Variants in NFXL1 observed in about 807,000 individuals in gnomAD.
NFXL1 encodes the protein NF-X1-type zinc finger protein NFXL1.
Under a neutral mutation model 123.3 loss-of-function variants are expected in NFXL1, and 66 were observed. That is an observed-to-expected ratio of 0.54 (90% CI 0.44 to 0.66). NFXL1 has a LOEUF of 0.66. NFXL1 is among the 30% of genes least tolerant of loss of function. The probability of loss-of-function intolerance (pLI) is 0.00; values close to 1 mark genes in which losing one functional copy is unlikely to be tolerated. For missense variants in NFXL1, 944 were observed against 1,125.6 expected (o/e 0.84, Z 2.31); for synonymous variants, 346 against 360.8 (o/e 0.96, Z 0.46).
intron 5 of NFXL1, among the ~76,000 whole-genome samples, chr4:47,902,089 G>A (rs946328075): frequency 6.6e-6 from 1 of 152,000 alleles, no homozygotes; most frequent in Non-Finnish European, 1.5e-5. Flanking sequence ...GGCTGAGACG[G>A]GAGAATCGCT....
chr4:47,892,192 C>T (rs1736813895), intron 11 of NFXL1, among the ~76,000 whole-genome samples: 1 of 152,178 alleles, frequency 6.6e-6, no homozygotes, highest in Non-Finnish European at 1.5e-5. Context: ...TGAGGCAGCA[C>T]AGATGGCAGT....
At chr4:47,866,006 C>A (rs987411087) in intron 18 of NFXL1, among the ~76,000 whole-genome samples, 3 of 151,694 alleles carry the variant, frequency 2.0e-5, no homozygotes, top group Admixed American at 6.6e-5. Flanking sequence ...CAGAGAGACA[C>A]CTTGTCTCAA....
chr4:47,897,945 T>C (rs910029657), intron 9 of NFXL1, 22 bp downstream of exon 9: 4 of 1,414,948 alleles, frequency 2.8e-6, no homozygotes, highest in African/African-American at 1.4e-5. Flanking sequence ...CCTATATAAA[T>C]ATAAAAAAAA....
chr4:47,859,949 A>AAAG (rs1359389199), intron 19 of NFXL1, among the ~76,000 whole-genome samples: 1 of 151,944 alleles, frequency 6.6e-6, no homozygotes, highest in Non-Finnish European at 1.5e-5. Context: ...CGTAGAAGTG[A>AAAG]AAGAGCAGAA....
At chr4:47,858,074 C>CTGGT (rs1309443679) in intron 19 of NFXL1, among the ~76,000 whole-genome samples, 2 of 152,130 alleles carry the variant, frequency 1.3e-5, no homozygotes, top group East Asian at 3.8e-4. Context: ...GTACACTGTG[C>CTGGT]TGGTATCCAA....
At chr4:47,905,415 A>T in intron 3 of NFXL1, 69 bp from the exon 4 acceptor site, 1 of 744,174 alleles carries the variant, frequency 1.3e-6, no homozygotes, top group Non-Finnish European at 2.4e-6. Context: ...CACTAATAGC[A>T]CCATATTATG....
In NFXL1 at chr4:47,908,114, G is replaced by A. The variant is rs181840544; in HGVS notation, c.406+2710C>T. Reference sequence around the variant, plus strand: ...TGGGAAGGGAAAGGTGAAATACATCGATCCTTCTGTCTGAAGACTTGATTA... The same window carrying A: ...TGGGAAGGGAAAGGTGAAATACATCAATCCTTCTGTCTGAAGACTTGATTA... On this transcript the variant is annotated intron_variant, in intron 3 of 22. Coordinates refer to ENST00000507489, the MANE Select transcript of NFXL1 (RefSeq NM_001278624.2). Among the ~76,000 whole-genome samples, 4 of 152,260 alleles carry A rather than the reference G, an allele frequency of 2.6e-5. No homozygotes were observed. The East Asian group carries it at 5.8e-4, about 22-fold the overall frequency.
intron 15 of NFXL1, among the ~76,000 whole-genome samples, chr4:47,883,558 T>C (rs1560593849): frequency 6.6e-6 from 1 of 152,216 alleles, no homozygotes; most frequent in East Asian, 1.9e-4. Context: ...AAAATTACCC[T>C]ATTTGTGCAT....
chr4:47,855,301 T>G (rs1417043872), intron 19 of NFXL1, 138 bp from the exon 20 acceptor site: 3 of 349,662 alleles, frequency 8.6e-6, no homozygotes, highest in African/African-American at 2.2e-5. Flanking sequence ...ATTTGTAAAC[T>G]ATTTTTCTTT....
At chr4:47,879,863 T>C (rs1416505488) in intron 15 of NFXL1, among the ~76,000 whole-genome samples, 4 of 152,044 alleles carry the variant, frequency 2.6e-5, no homozygotes, top group South Asian at 2.1e-4. Flanking sequence ...CTGGAACAAA[T>C]AGACACCTGC....
At chr4:47,914,280 G>A in intron 1 of NFXL1, 75 bp from the exon 2 acceptor site, 1 of 1,193,552 alleles carries the variant, frequency 8.4e-7, no homozygotes, top group Non-Finnish European at 1.1e-6. Flanking sequence ...GAGGGTCAGT[G>A]CGGAAACCCG....
intron 3 of NFXL1, among the ~76,000 whole-genome samples, chr4:47,909,659 CTTT>C (rs201359763): frequency 7.0e-6 from 1 of 143,562 alleles, no homozygotes; most frequent in Admixed American, 7.0e-5. Context: ...TTCTTTCTTT[CTTT>C]TTTTTTTTTT....
In NFXL1 at chr4:47,896,531, A is replaced by T. The variant is rs771723668; in HGVS notation, c.1321T>A (p.Cys441Ser). The T allele has an allele frequency of 6.2e-7, 1 of 1,612,772 alleles. No individual in the cohort carries two copies. Among genetic ancestry groups the T allele is most frequent in the Non-Finnish European group, 8.5e-7 (1 of 1,178,968 alleles). The change falls in exon 10 of 23, where the codon TGT (cysteine) becomes AGT (serine). Residue 441 changes from cysteine (C) to serine (S), a missense_variant. Around this residue, in one of 4 missense-constraint regions of NFXL1, gnomAD observed 296 missense variants for 395.1 expected, o/e 0.75. Coordinates refer to ENST00000507489, the MANE Select transcript of NFXL1 (RefSeq NM_001278624.2). ...QRCHRGPCETCRQEVEKHCRC... is the reference protein window; with the variant it reads ...QRCHRGPCETSRQEVEKHCRC... Reference sequence around the variant, plus strand: ...TACAGGAGATGACTAACTTGTCTACATGTTTCACAGGGACCTCGGTGACAA... The same window carrying T: ...TACAGGAGATGACTAACTTGTCTACTTGTTTCACAGGGACCTCGGTGACAA...
chr4:47,855,926 A>T (rs919285014), intron 19 of NFXL1, among the ~76,000 whole-genome samples: 2 of 152,202 alleles, frequency 1.3e-5, no homozygotes, highest in African/African-American at 4.8e-5. Flanking sequence ...ACTTTAAGAC[A>T]TGACTTAAAT....
chr4:47,859,814 C>G lies in NFXL1; in HGVS notation c.2316+3032G>C, dbSNP rs920191824. Among the ~76,000 whole-genome samples the G allele has an allele frequency of 3.3e-5, 4 of 119,932 alleles. No homozygotes were observed. The Admixed American group carries it at 3.4e-4, about 10-fold the overall frequency. 78.7% of individuals were successfully genotyped at this position (119,932 alleles called of 152,430 possible). A position where few individuals can be genotyped will look rare whatever the true frequency, so the allele number is the denominator to read the frequency against. ...CCAAGATTGCGCCACCGTACTCCAA[C>G]CCAGGCAACAGAGTGAGACTCCATC... On this transcript the variant is annotated intron_variant, in intron 19 of 22. Coordinates refer to ENST00000507489, the MANE Select transcript of NFXL1 (RefSeq NM_001278624.2).
chr4:47,878,458 G>T, intron 17 of NFXL1, 67 bp downstream of exon 17: 1 of 1,199,066 alleles, frequency 8.3e-7, no homozygotes, highest in Non-Finnish European at 1.1e-6. Flanking sequence ...AATATTTATG[G>T]TATAACTGTT....
At chr4:47,872,065 T>C (rs1735471661) in intron 18 of NFXL1, among the ~76,000 whole-genome samples, 1 of 152,182 alleles carries the variant, frequency 6.6e-6, no homozygotes, top group African/African-American at 2.4e-5. Context: ...TGGCATTTTT[T>C]TAAATGAAGA....
In NFXL1 at chr4:47,903,309, C is replaced by T. The variant is rs765896951; in HGVS notation, c.531G>A (p.Ser177=). 8.4e-6 allele frequency: 13 copies of T among 1,555,596 alleles called. No homozygotes were observed. Among genetic ancestry groups the T allele is most frequent in the South Asian group, 1.2e-5 (1 of 81,674 alleles). ...GCATGTGAAATATACAGAAACATCC[C>T]GAACAGCTCCAAACCTAAGACAAAT... The part of the protein sequence containing the change: ...VKRNQAVWSC[S]GCFCIFHMPC... Residue 177 remains serine (S), a synonymous_variant, in exon 5 of 23, where the codon TCG becomes TCA. Coordinates refer to ENST00000507489, the MANE Select transcript of NFXL1 (RefSeq NM_001278624.2).
intron 3 of NFXL1, among the ~76,000 whole-genome samples, chr4:47,908,730 C>T (rs1393246917): frequency 3.3e-5 from 5 of 151,770 alleles, no homozygotes; most frequent in African/African-American, 4.8e-5. Context: ...CCGAGGCGGG[C>T]GGATCACGAG....
Sources: allele counts gnomAD v4.1 joint callset (sites outside exome capture counted in the v4.1 genomes callset), GRCh38; gene constraint gnomAD v4.1.1; regional missense constraint gnomAD v4.1.1; transcripts MANE v1.5; gene names NCBI Gene and HGNC (gene_info 2026-07-23, HGNC 2026-07-21).